GPC5: variants seen among roughly 807,000 people sequenced by gnomAD.
The protein encoded by GPC5 is glypican-5.
In GPC5, 47 loss-of-function variants were observed where a neutral mutation model predicts 53.9. The observed-to-expected ratio is 0.87, with a 90% CI of 0.69 to 1.11. The LOEUF (loss-of-function observed/expected upper bound fraction) is 1.11, where lower values mean the gene tolerates loss of function less well. GPC5 is among the 50% of genes most tolerant of loss of function. GPC5 has a pLI of 0.00. For missense variants in GPC5, 748 were observed against 713.1 expected, an observed-to-expected ratio of 1.05 and a Z score of -0.56; for synonymous variants, 286 against 263.3, an observed-to-expected ratio of 1.09 and a Z score of -0.84.
chr13:92,430,422 T>C (rs942577698), intron 7 of GPC5, among the ~76,000 whole-genome samples: 2 of 152,178 alleles, frequency 1.3e-5, no homozygotes, highest in African/African-American at 4.8e-5. Flanking sequence ...CTGCAGGCAG[T>C]AACGAAACTC....
At chr13:91,782,019 T>C (rs923753843) in intron 5 of GPC5, among the ~76,000 whole-genome samples, 1 of 152,236 alleles carries the variant, frequency 6.6e-6, no homozygotes, top group Non-Finnish European at 1.5e-5. Flanking sequence ...TGAAGGATAA[T>C]ATATTTTAGT....
At chr13:91,904,809 A>G (rs1046912199) in intron 5 of GPC5, among the ~76,000 whole-genome samples, 7 of 152,024 alleles carry the variant, frequency 4.6e-5, no homozygotes, top group African/African-American at 1.4e-4. Flanking sequence ...AGAGGAAACG[A>G]AGGTTGAGTG....
chr13:92,129,568 A>AT (rs2041727005), intron 6 of GPC5, among the ~76,000 whole-genome samples: 1 of 152,232 alleles, frequency 6.6e-6, no homozygotes. Flanking sequence ...AAGCGGACAA[A>AT]TTTAGAATAA....
intron 5 of GPC5, among the ~76,000 whole-genome samples, chr13:91,900,683 A>T (rs577165179): frequency 7.9e-5 from 12 of 152,172 alleles, no homozygotes; most frequent in African/African-American, 2.9e-4. Context: ...TCTTGGTAAG[A>T]TTGGGGAGGG....
intron 7 of GPC5, among the ~76,000 whole-genome samples, chr13:92,848,462 C>T (rs184217474): frequency 1.4e-3 from 215 of 152,074 alleles, no homozygotes; most frequent in African/African-American, 5.0e-3. Context: ...TTTTAAAAAC[C>T]ACTTACTAAA....
intron 7 of GPC5, among the ~76,000 whole-genome samples, chr13:92,205,504 A>C (rs545681665): frequency 4.6e-5 from 7 of 152,148 alleles, no homozygotes; most frequent in African/African-American, 1.4e-4. Context: ...CTCCAACTCC[A>C]AGGGTTTCAT....
intron 7 of GPC5, among the ~76,000 whole-genome samples, chr13:92,331,740 A>G (rs1015145587): frequency 3.3e-5 from 5 of 151,162 alleles, no homozygotes; most frequent in African/African-American, 1.2e-4. Flanking sequence ...TTCATGTTTT[A>G]TATCAGCACA....
intron 7 of GPC5, among the ~76,000 whole-genome samples, chr13:92,279,327 G>A (rs1219731706): frequency 1.3e-5 from 2 of 152,048 alleles, no homozygotes; most frequent in South Asian, 2.1e-4. Context: ...ATTGTTCATT[G>A]CCATTGTATA....
chr13:92,317,684 T>C (rs1334354958), intron 7 of GPC5, among the ~76,000 whole-genome samples: 1 of 152,030 alleles, frequency 6.6e-6, no homozygotes, highest in East Asian at 1.9e-4. Flanking sequence ...TTATTTTTAC[T>C]AGAGACAGGG....
At chr13:92,286,814 A>G (rs1168107229) in intron 7 of GPC5, among the ~76,000 whole-genome samples, 3 of 152,100 alleles carry the variant, frequency 2.0e-5, no homozygotes, top group East Asian at 3.9e-4. Context: ...CAGCACACCA[A>G]CATGGCACAT....
At chr13:92,404,598 G>A (rs570532519) in intron 7 of GPC5, among the ~76,000 whole-genome samples, 5 of 131,164 alleles carry the variant, frequency 3.8e-5, no homozygotes, top group African/African-American at 5.8e-5. Flanking sequence ...ACAAATATTC[G>A]GTTAATAAAT....
chr13:91,801,253 T>TGTGTG, intron 5 of GPC5, among the ~76,000 whole-genome samples: 1 of 146,298 alleles, frequency 6.8e-6, no homozygotes, highest in East Asian at 2.1e-4. Flanking sequence ...CATCCATACT[T>TGTGTG]TGTGTGTGTG....
At chr13:92,063,423 A>G (rs2041140340) in intron 6 of GPC5, among the ~76,000 whole-genome samples, 1 of 152,146 alleles carries the variant, frequency 6.6e-6, no homozygotes, top group South Asian at 2.1e-4. Context: ...TCCAAATCAA[A>G]ATCACTCTGG....
intron 7 of GPC5, among the ~76,000 whole-genome samples, chr13:92,562,748 A>G (rs1882738862): frequency 1.3e-5 from 2 of 152,048 alleles, no homozygotes; most frequent in South Asian, 4.1e-4. Context: ...AAAGTGAATA[A>G]AGTTATCAAG....
chr13:92,627,623 A>G (rs1237085670), intron 7 of GPC5, among the ~76,000 whole-genome samples: 4 of 152,240 alleles, frequency 2.6e-5, no homozygotes, highest in Admixed American at 2.0e-4. Context: ...AACCTCCATG[A>G]GCAGTCCATG....
intron 7 of GPC5, among the ~76,000 whole-genome samples, chr13:92,670,106 T>C (rs568345640): frequency 6.6e-6 from 1 of 152,322 alleles, no homozygotes; most frequent in South Asian, 2.1e-4. Context: ...TGGAACTCAC[T>C]GAATTTCAGC....
At chr13:91,712,360 A>G (rs758803346) in intron 3 of GPC5, among the ~76,000 whole-genome samples, 7 of 150,812 alleles carry the variant, frequency 4.6e-5, no homozygotes, top group Non-Finnish European at 8.9e-5. Context: ...GTATTTATAT[A>G]TGTGTGTATA....
At chr13:92,772,980 A>G (rs1875667789) in intron 7 of GPC5, among the ~76,000 whole-genome samples, 1 of 152,188 alleles carries the variant, frequency 6.6e-6, no homozygotes, top group Non-Finnish European at 1.5e-5. Context: ...TAGTAATAGT[A>G]ATTCCTGTTA....
At chr13:92,612,768 G>C (rs1307770844) in intron 7 of GPC5, among the ~76,000 whole-genome samples, 1 of 151,998 alleles carries the variant, frequency 6.6e-6, no homozygotes, top group Non-Finnish European at 1.5e-5. Context: ...CAGACATTAT[G>C]ACAGGAACAG....
Sources: allele counts gnomAD v4.1 joint callset (sites outside exome capture counted in the v4.1 genomes callset), GRCh38; gene constraint gnomAD v4.1.1; transcripts MANE v1.5; gene names NCBI Gene and HGNC (gene_info 2026-07-23, HGNC 2026-07-21).